Variants in FAM78B observed in about 807,000 individuals in gnomAD.
FAM78B encodes the protein family with sequence similarity 78 member B.
A neutral mutation model predicts 20.0 loss-of-function variants in FAM78B; 10 were observed. The ratio of observed to expected loss-of-function variants is 0.50; its 90% CI spans 0.31 to 0.85. The LOEUF (loss-of-function observed/expected upper bound fraction) is 0.85. Ranked by LOEUF, FAM78B falls within the 40% of genes least tolerant of loss-of-function variation. The probability of loss-of-function intolerance (pLI) is 0.05; values close to 1 mark genes in which losing one functional copy is unlikely to be tolerated. For missense variants in FAM78B, 283 were observed against 345.0 expected (o/e 0.82, Z 1.42); for synonymous variants, 135 against 132.8 (o/e 1.02, Z -0.12).
intron 1 of FAM78B, among the ~76,000 whole-genome samples, chr1:166,085,196 T>C (rs1312491763): frequency 1.3e-5 from 2 of 152,168 alleles, no homozygotes; most frequent in African/African-American, 4.8e-5. Context: ...GCACAGAACA[T>C]CTGCAGTTTT....
chr1:166,067,821 C>T (rs1651858055), downstream of FAM78B, among the ~76,000 whole-genome samples: 1 of 152,062 alleles, frequency 6.6e-6, no homozygotes, highest in South Asian at 2.1e-4. Context: ...AAGCACTTTC[C>T]CATTTTTTTC....
chr1:166,060,286 G>C (rs1557883908), exon 3 of FAM78B: 1 of 271,662 alleles, frequency 3.7e-6, no homozygotes, highest in Non-Finnish European at 7.3e-6. Context: ...TTAAAGTCCA[G>C]GCTGACCAGC....
intron 1 of FAM78B, among the ~76,000 whole-genome samples, chr1:166,090,668 G>C (rs914126983): frequency 2.6e-5 from 4 of 152,186 alleles, no homozygotes; most frequent in African/African-American, 9.7e-5. Context: ...GTACTGTCCT[G>C]GGTGCAGGCG....
intron 1 of FAM78B, among the ~76,000 whole-genome samples, chr1:166,095,956 G>A (rs1329870743): frequency 6.6e-6 from 1 of 152,020 alleles, no homozygotes; most frequent in East Asian, 1.9e-4. Flanking sequence ...TTCCCCAGCT[G>A]GAAATGGCAG....
At chr1:166,121,563 G>A (rs758008464) in intron 1 of FAM78B, among the ~76,000 whole-genome samples, 1 of 152,184 alleles carries the variant, frequency 6.6e-6, no homozygotes, top group African/African-American at 2.4e-5. Flanking sequence ...GCCAGAGCAG[G>A]GCCCTCTAAA....
chr1:166,122,072 C>T (rs1654482846), intron 1 of FAM78B, among the ~76,000 whole-genome samples: 1 of 152,206 alleles, frequency 6.6e-6, no homozygotes, highest in Non-Finnish European at 1.5e-5. Context: ...GATTAATTCC[C>T]AGATCTGTCC....
downstream of FAM78B, among the ~76,000 whole-genome samples, chr1:166,065,424 T>A (rs879364217): frequency 6.6e-6 from 1 of 152,212 alleles, no homozygotes; most frequent in Non-Finnish European, 1.5e-5. Context: ...AACATACTAA[T>A]CAGATGGGTG....
chr1:166,108,057 G>C (rs1044055021), intron 1 of FAM78B, among the ~76,000 whole-genome samples: 2 of 152,130 alleles, frequency 1.3e-5, no homozygotes, highest in Admixed American at 6.5e-5. Flanking sequence ...GGGAAAGGTC[G>C]AAAGCATTCC....
In FAM78B at chr1:166,164,052, T is replaced by C. The variant is rs562090207; in HGVS notation, c.263+1934A>G. On this transcript the variant is annotated intron_variant, in intron 1 of 1. Transcript: ENST00000354422. ...TAGATTCCAGGAAGTTCAACTACCA[T>C]GTCTGTTTATATCTCAACTTGACTT... Among the ~76,000 whole-genome samples, 3 of 152,350 alleles carry C rather than the reference T, an allele frequency of 2.0e-5. No homozygotes were observed. The East Asian group carries it at 5.8e-4, about 29-fold the overall frequency.
intron 1 of FAM78B, among the ~76,000 whole-genome samples, chr1:166,082,019 G>A (rs536954848): frequency 2.0e-5 from 3 of 152,152 alleles, no homozygotes; most frequent in Admixed American, 6.5e-5. Flanking sequence ...TCCTCTATCC[G>A]GGACCATGCA....
chr1:166,105,854 G>C (rs1319489197), intron 1 of FAM78B, among the ~76,000 whole-genome samples: 2 of 151,560 alleles, frequency 1.3e-5, no homozygotes, highest in African/African-American at 4.9e-5. Context: ...TCCCATTACT[G>C]GGTATATACC....
chr1:166,144,839 G>T (rs1362109776), intron 1 of FAM78B, among the ~76,000 whole-genome samples: 1 of 152,130 alleles, frequency 6.6e-6, no homozygotes, highest in East Asian at 1.9e-4. Context: ...TCTTTACCAT[G>T]GCACCTCACC....
chr1:166,105,586 C>A (rs1042768019), intron 1 of FAM78B, among the ~76,000 whole-genome samples: 2 of 152,176 alleles, frequency 1.3e-5, no homozygotes, highest in African/African-American at 4.8e-5. Context: ...ATGTATGCAG[C>A]CAACAGACAC....
rs558836032 is a variant in FAM78B at position 166,115,338 on chromosome 1, C to T, written c.264-44575G>A. Among the ~76,000 whole-genome samples the T allele has an allele frequency of 1.9e-4, 29 of 152,268 alleles. No homozygotes were observed. In the South Asian group the frequency reaches 4.8e-3, roughly 25 times the overall value. ...ATTTTAAGCAAACACCCAAATGGAG[C>T]GAGGGAGAGCATGCATGGTTATCTG... On this transcript the variant is annotated intron_variant, in intron 1 of 1. Coordinates refer to ENST00000354422, the MANE Select transcript of FAM78B (RefSeq NM_001017961.5).
chr1:166,133,673 A>G (rs1415458356), intron 1 of FAM78B, among the ~76,000 whole-genome samples: 1 of 151,832 alleles, frequency 6.6e-6, no homozygotes, highest in East Asian at 1.9e-4. Flanking sequence ...AATGTATTCC[A>G]GTGCTAATCT....
At chr1:166,096,669 G>A (rs1436913960) in intron 1 of FAM78B, among the ~76,000 whole-genome samples, 1 of 152,146 alleles carries the variant, frequency 6.6e-6, no homozygotes, top group Non-Finnish European at 1.5e-5. Context: ...AGAGAGGCCT[G>A]CCTCAATGTT....
chr1:166,106,409 A>G (rs11808417), intron 1 of FAM78B, among the ~76,000 whole-genome samples: 91,206 of 151,020 alleles, frequency 0.6, 29,187 homozygotes, highest in Non-Finnish European at 0.73. Context: ...ATAAAAAAGA[A>G]TGAAATCATG....
At chr1:166,128,863 G>C (rs1470957510) in intron 1 of FAM78B, among the ~76,000 whole-genome samples, 2 of 152,128 alleles carry the variant, frequency 1.3e-5, no homozygotes. Flanking sequence ...TGAGTGTCCT[G>C]GGAGCCATTA....
intron 1 of FAM78B, among the ~76,000 whole-genome samples, chr1:166,135,535 C>T (rs1366963579): frequency 6.6e-6 from 1 of 152,196 alleles, no homozygotes; most frequent in East Asian, 1.9e-4. Context: ...CAATAAGTAA[C>T]AAGATTCCAT....
Sources: gnomAD v4.1 joint callset for allele counts (sites outside exome capture counted in the v4.1 genomes callset) on GRCh38, gnomAD v4.1.1 for gene constraint, MANE v1.5 for transcripts, NCBI Gene and HGNC (gene_info 2026-07-23, HGNC 2026-07-21) for gene names.